DDI2: variants seen among roughly 807,000 people sequenced by gnomAD.
The protein encoded by DDI2 is protein DDI1 homolog 2.
In DDI2, 5 loss-of-function variants were observed where a neutral mutation model predicts 48.1. That is an observed-to-expected ratio of 0.10 (90% CI 0.05 to 0.22). DDI2 has a LOEUF of 0.22. Among genes scored for constraint, DDI2 ranks in the 10% least tolerant of loss-of-function variants. The pLI is 1.00. For synonymous variants in DDI2, 205 were observed against 183.6 expected (o/e 1.12, Z -0.94); for missense variants, 285 against 506.2 (o/e 0.56, Z 4.19).
chr1:15,656,345 G>A (rs745861466), intron 8 of DDI2: 323 of 1,223,694 alleles, frequency 2.6e-4, no homozygotes, highest in Non-Finnish European at 3.2e-4. Flanking sequence ...TCTCACATTT[G>A]CCCGTGAATT....
intron 4 of DDI2, among the ~76,000 whole-genome samples, chr1:15,636,299 C>T (rs1319151151): frequency 1.3e-5 from 2 of 151,956 alleles, no homozygotes; most frequent in East Asian, 3.9e-4. Flanking sequence ...GCTAATTTTT[C>T]TTGTATTTTG....
At chr1:15,634,550 T>TTTTTTTTTTTTTTTA (rs1570973895) in intron 4 of DDI2, among the ~76,000 whole-genome samples, 1 of 147,026 alleles carries the variant, frequency 6.8e-6, no homozygotes, top group Admixed American at 6.8e-5. Flanking sequence ...TTTTTTTTTT[T>TTTTTTTTTTTTTTTA]GAGACAAGGT....
At chr1:15,635,242 A>AG (rs1398935674) in intron 4 of DDI2, among the ~76,000 whole-genome samples, 1 of 151,908 alleles carries the variant, frequency 6.6e-6, no homozygotes, top group Non-Finnish European at 1.5e-5. Flanking sequence ...GAAAAAAAAA[A>AG]AAAGAAATAT....
intron 9 of DDI2, among the ~76,000 whole-genome samples, chr1:15,659,309 A>G (rs1225317884): frequency 6.6e-6 from 1 of 152,212 alleles, no homozygotes; most frequent in Non-Finnish European, 1.5e-5. Flanking sequence ...AAGTGCATTA[A>G]CATGAGAATC....
intron 1 of DDI2, among the ~76,000 whole-genome samples, chr1:15,621,826 A>G (rs868406021): frequency 2.6e-5 from 4 of 152,348 alleles, no homozygotes; most frequent in Middle Eastern, 6.8e-3. Flanking sequence ...CCATATACTT[A>G]AGACTGTAGC....
Position 15,628,614 on chromosome 1 carries a change from A to G in DDI2, c.269-1711A>G, listed in dbSNP as rs572712377. 5.3e-5 allele frequency among the ~76,000 whole-genome samples: 8 copies of G among 152,354 alleles called. No individual in the cohort carries two copies. In the East Asian group the frequency reaches 1.3e-3, roughly 26 times the overall value. ...GTTCAGACAAGTTTGACCATCAACT[A>G]TATTTTTTGGAGTTGAAGGAATGTC... On this transcript the variant is annotated intron_variant, in intron 2 of 9. Coordinates refer to ENST00000480945, the MANE Select transcript of DDI2 (RefSeq NM_032341.5).
At position 15,664,172 on chromosome 1, in the gene DDI2, CA is replaced by C. The variant is rs1640418690; in HGVS notation, c.*4385del. On this transcript the variant is annotated 3_prime_UTR_variant, in exon 10 of 10. Coordinates refer to ENST00000480945, the MANE Select transcript of DDI2 (RefSeq NM_032341.5). ...TGAGTAGCTGGGACTACATAAAGGCCAAAGTATAATTGCTTTTGATTTTTAA... is the reference window on the plus strand; with the variant it reads ...TGAGTAGCTGGGACTACATAAAGGCCAAGTATAATTGCTTTTGATTTTTAA... 2 of 152,034 alleles carry C rather than the reference CA, an allele frequency of 1.3e-5. No individual in the cohort carries two copies. The highest frequency in any genetic ancestry group is 4.8e-5 in the African/African-American group (2 of 41,368). The allele number at this position is 152,034 out of a possible 1,614,324, so 9.4% of individuals were successfully genotyped here.
intron 5 of DDI2, 40 bp downstream of exon 5, chr1:15,638,474 C>T (rs774026164): frequency 1.3e-5 from 20 of 1,589,632 alleles, no homozygotes; most frequent in Non-Finnish European, 1.5e-5. Context: ...TCCCCTCCAA[C>T]ATCTTTACCT....
intron 8 of DDI2, among the ~76,000 whole-genome samples, chr1:15,654,505 A>G (rs929676376): frequency 3.3e-5 from 5 of 152,080 alleles, no homozygotes; most frequent in African/African-American, 1.2e-4. Context: ...ATTTAAAAAA[A>G]AAATTAGCCA....
intron 1 of DDI2, among the ~76,000 whole-genome samples, chr1:15,622,758 T>G (rs1639688457): frequency 6.6e-6 from 1 of 152,236 alleles, no homozygotes; most frequent in African/African-American, 2.4e-5. Flanking sequence ...TTTTGGGACT[T>G]TTGCTGCAAA....
chr1:15,648,817 C>T (rs576078888), intron 6 of DDI2, among the ~76,000 whole-genome samples: 22 of 120,612 alleles, frequency 1.8e-4, no homozygotes, highest in African/African-American at 6.8e-4. Flanking sequence ...GCCTGGGCAA[C>T]GTAGCAGACC....
In DDI2 at chr1:15,656,693, C is replaced by A; in HGVS notation, c.*46+14C>A. On this transcript the variant is annotated intron_variant, in intron 9 of 9. Transcript: ENST00000480945. ...GCCCCAGACCAGGTATTTATAGACACCATGTTAAGCCTTCCATCCAGTTGT... is the reference window on the plus strand; with the variant it reads ...GCCCCAGACCAGGTATTTATAGACAACATGTTAAGCCTTCCATCCAGTTGT... 1.2e-6 allele frequency: 2 copies of A among 1,613,838 alleles called. No individual in the cohort carries two copies. The highest frequency in any genetic ancestry group is 8.5e-7 in the Non-Finnish European group (1 of 1,179,866).
chr1:15,639,815 C>G (rs1276480486), intron 5 of DDI2, among the ~76,000 whole-genome samples: 1 of 151,926 alleles, frequency 6.6e-6, no homozygotes, highest in African/African-American at 2.4e-5. Context: ...TGAGACCAGC[C>G]TAGGCAACAT....
At position 15,664,450 on chromosome 1, in the gene DDI2, A is replaced by C. The variant is rs1640422761; in HGVS notation, c.*4660A>C. On this transcript the variant is annotated 3_prime_UTR_variant, in exon 10 of 10. Coordinates refer to ENST00000480945, the MANE Select transcript of DDI2 (RefSeq NM_032341.5). ...TGTCTCACCCAAAAAAAAAAAAAAA[A>C]AGCTATTGACACTGTTAATATTTTG... The C allele has an allele frequency of 6.6e-6, 1 of 151,902 alleles. No homozygotes were observed. The highest frequency in any genetic ancestry group is 1.5e-5 in the Non-Finnish European group (1 of 68,026). The allele number at this position is 151,902 out of a possible 1,614,324, so 9.4% of individuals were successfully genotyped here. A position where few individuals can be genotyped will look rare whatever the true frequency, so the allele number is the denominator to read the frequency against.
intron 5 of DDI2, among the ~76,000 whole-genome samples, chr1:15,642,675 A>G (rs565595632): frequency 6.6e-6 from 1 of 152,308 alleles, no homozygotes; most frequent in South Asian, 2.1e-4. Flanking sequence ...TGTAATCCCA[A>G]CACTTTGGGA....
At chr1:15,650,353 G>A (rs1640157901) in intron 7 of DDI2, among the ~76,000 whole-genome samples, 1 of 152,196 alleles carries the variant, frequency 6.6e-6, no homozygotes. Context: ...TGAAGAAGCA[G>A]TTAGTCCACT....
chr1:15,652,167 T>C (rs1640196633), intron 8 of DDI2, among the ~76,000 whole-genome samples: 1 of 148,884 alleles, frequency 6.7e-6, no homozygotes. Flanking sequence ...CTTGACTTCC[T>C]GGGCTCAAGC....
rs140092977 is a variant in DDI2 at position 15,630,379 on chromosome 1, G to C, written c.323G>C (p.Arg108Pro). The change falls in exon 3 of 10, where the codon CGG becomes CCG. Residue 108 changes from arginine to proline, a missense_variant. This residue lies in a region of DDI2 where 149 missense variants were observed against 236.5 expected (regional missense o/e 0.63). Transcript: ENST00000480945. ...GCTGTGCCTGGCACATCAAGTCCCCGGCAGCGCCAGCCACCAGGAACACAG... is the reference window on the plus strand; with the variant it reads ...GCTGTGCCTGGCACATCAAGTCCCCCGCAGCGCCAGCCACCAGGAACACAG... ...SIAVPGTSSP[R>P]QRQPPGTQQS... The C allele has an allele frequency of 6.2e-7, 1 of 1,614,148 alleles. No individual in the cohort carries two copies.
At chr1:15,643,755 G>T in intron 6 of DDI2, 105 bp downstream of exon 6, 1 of 1,473,968 alleles carries the variant, frequency 6.8e-7, no homozygotes, top group Non-Finnish European at 9.0e-7. Context: ...TTTTGTTGTT[G>T]TTGTTTTAAA....
Sources: allele counts gnomAD v4.1 joint callset (sites outside exome capture counted in the v4.1 genomes callset), GRCh38; gene constraint gnomAD v4.1.1; regional missense constraint gnomAD v4.1.1; transcripts MANE v1.5; gene names NCBI Gene and HGNC (gene_info 2026-07-23, HGNC 2026-07-21).